The following OR7E24 variants were observed in gnomAD, a reference collection of about 807,000 sequenced individuals.
OR7E24 encodes olfactory receptor 7E24.
For synonymous variants in OR7E24, 130 were observed against 157.5 expected, an observed-to-expected ratio of 0.83 and a Z score of 1.31; for missense variants, 385 against 410.3, an observed-to-expected ratio of 0.94 and a Z score of 0.53.
upstream of OR7E24, among the ~76,000 whole-genome samples, chr19:9,248,040 C>G (rs2066135390): frequency 6.6e-6 from 1 of 152,088 alleles, no homozygotes; most frequent in African/African-American, 2.4e-5. Flanking sequence ...AATATATTTT[C>G]CTATTCCCTG....
the OR7E24 span, among the ~76,000 whole-genome samples, chr19:9,227,522 C>T: frequency 6.6e-6 from 1 of 152,114 alleles, no homozygotes; most frequent in South Asian, 2.1e-4. Context: ...GCCGCCATGC[C>T]TGCCTGATAT....
rs1429951611 is a variant in OR7E24, at chr19:9,251,578, T to C, written c.535T>C (p.Leu179=). 1 of 1,613,774 alleles carries C rather than the reference T, an allele frequency of 6.2e-7. No individual in the cohort carries two copies. Among genetic ancestry groups the C allele is most frequent in the East Asian group, 2.2e-5 (1 of 44,892 alleles). ...ISLLDSQLHN[L]IMLQLTCFKD... ...TCTTTTGGACTCCCAGTTGCACAAT[T>C]TGATTATGTTACAGCTCACCTGCTT... Residue 179 remains leucine (L), a synonymous_variant, in exon 1 of 1, where the codon TTG becomes CTG. Coordinates refer to ENST00000456448, the MANE Select transcript of OR7E24 (RefSeq NM_001079935.2).
the OR7E24 span, among the ~76,000 whole-genome samples, chr19:9,234,030 A>G: frequency 6.6e-6 from 1 of 151,764 alleles, no homozygotes; most frequent in Non-Finnish European, 1.5e-5. Flanking sequence ...CAGCCTCCCA[A>G]GTAGCTGGGA....
At chr19:9,250,537 C>T (rs1182921261), upstream of OR7E24, among the ~76,000 whole-genome samples, 1 of 152,100 alleles carries the variant, frequency 6.6e-6, no homozygotes, top group African/African-American at 2.4e-5. Context: ...TGATGGAAAC[C>T]GTAGAATATA....
chr19:9,207,734 T>A, the OR7E24 span: 1 of 152,278 alleles, frequency 6.6e-6, no homozygotes, highest in Non-Finnish European at 1.5e-5. Flanking sequence ...CTTTCTCTAC[T>A]CAGCTCTTTC....
chr19:9,217,334 T>C, the OR7E24 span, among the ~76,000 whole-genome samples: 1 of 152,226 alleles, frequency 6.6e-6, no homozygotes, highest in East Asian at 1.9e-4. Context: ...CCTAAAAAAC[T>C]AAAGGGCAAC....
chr19:9,224,869 G>A, the OR7E24 span, among the ~76,000 whole-genome samples: 1 of 152,168 alleles, frequency 6.6e-6, no homozygotes, highest in Non-Finnish European at 1.5e-5. Flanking sequence ...CCCAAGCATA[G>A]GGGTGTATGA....
the OR7E24 span, among the ~76,000 whole-genome samples, chr19:9,227,009 C>T: frequency 6.6e-6 from 1 of 152,054 alleles, no homozygotes; most frequent in Admixed American, 6.6e-5. Context: ...AAGCCTAGTA[C>T]CCATTAGTTA....
the OR7E24 span, chr19:9,236,161 TC>T: frequency 1.4e-6 from 1 of 735,378 alleles, no homozygotes; most frequent in Non-Finnish European, 2.2e-6. Flanking sequence ...GATCTTGCTC[TC>T]CCCTAAAATA....
At chr19:9,227,127 T>C in the OR7E24 span, among the ~76,000 whole-genome samples, 1 of 152,214 alleles carries the variant, frequency 6.6e-6, no homozygotes, top group Admixed American at 6.5e-5. Context: ...CTTTCACCTA[T>C]AAGTGAGAAC....
At chr19:9,230,877 T>A in the OR7E24 span, among the ~76,000 whole-genome samples, 1 of 152,172 alleles carries the variant, frequency 6.6e-6, no homozygotes, top group Admixed American at 6.5e-5. Context: ...TGCCTTGGCC[T>A]ATTCATGAAT....
the OR7E24 span, among the ~76,000 whole-genome samples, chr19:9,231,475 G>A: frequency 1.3e-5 from 2 of 152,168 alleles, no homozygotes. Context: ...AGCTACTTGG[G>A]AGGCTGCGGC....
chr19:9,248,630 C>T (rs1226167436), upstream of OR7E24, among the ~76,000 whole-genome samples: 4 of 152,188 alleles, frequency 2.6e-5, no homozygotes, highest in Non-Finnish European at 5.9e-5. Flanking sequence ...GCTGAGATCA[C>T]ATCAAAGATC....
At chr19:9,223,341 C>T in the OR7E24 span, among the ~76,000 whole-genome samples, 1 of 152,226 alleles carries the variant, frequency 6.6e-6, no homozygotes, top group African/African-American at 2.4e-5. Flanking sequence ...TTTATCAGGC[C>T]ATCATACCAT....
chr19:9,242,498 C>T (rs1048185866), upstream of OR7E24, among the ~76,000 whole-genome samples: 1 of 152,162 alleles, frequency 6.6e-6, no homozygotes, highest in African/African-American at 2.4e-5. Context: ...GATCCACCTG[C>T]CTCGGCCTCC....
upstream of OR7E24, among the ~76,000 whole-genome samples, chr19:9,247,881 A>G (rs756026769): frequency 6.6e-6 from 1 of 152,142 alleles, no homozygotes; most frequent in Non-Finnish European, 1.5e-5. Context: ...ATCACTTTGT[A>G]TGCTCATTGG....
At chr19:9,237,508 G>C in the OR7E24 span, among the ~76,000 whole-genome samples, 1 of 151,902 alleles carries the variant, frequency 6.6e-6, no homozygotes, top group Non-Finnish European at 1.5e-5. Context: ...GTAGAGACGG[G>C]GTTTCACCAC....
At chr19:9,229,792 G>A in the OR7E24 span, among the ~76,000 whole-genome samples, 1 of 152,150 alleles carries the variant, frequency 6.6e-6, no homozygotes, top group Non-Finnish European at 1.5e-5. Context: ...CAACCCTTGA[G>A]GCAATGGAAA....
chr19:9,221,452 G>T, the OR7E24 span, among the ~76,000 whole-genome samples: 1 of 128,064 alleles, frequency 7.8e-6, no homozygotes, highest in Non-Finnish European at 1.6e-5. Flanking sequence ...CCGGGTTTAC[G>T]CCATTCTCCT....
Sources: gnomAD v4.1 joint callset for allele counts (sites outside exome capture counted in the v4.1 genomes callset) on GRCh38, gnomAD v4.1.1 for gene constraint, MANE v1.5 for transcripts, NCBI Gene and HGNC (gene_info 2026-07-23, HGNC 2026-07-21) for gene names.